Variants in PRKN observed in about 807,000 individuals in gnomAD.
The protein encoded by PRKN is parkin RBR E3 ubiquitin protein ligase, also known as E3 ubiquitin-protein ligase parkin.
Under a neutral mutation model 59.5 loss-of-function variants are expected in PRKN, and 56 were observed. The ratio of observed to expected loss-of-function variants is 0.94; its 90% CI spans 0.76 to 1.18. The LOEUF is 1.18. PRKN is among the 50% of genes most tolerant of loss of function. The pLI is 0.00. For missense variants in PRKN, 657 were observed against 596.4 expected (o/e 1.10, Z -1.06); for synonymous variants, 250 against 222.1 (o/e 1.13, Z -1.12).
chr6:162,647,529 T>G (rs1778232335), intron 1 of PRKN, among the ~76,000 whole-genome samples: 1 of 152,172 alleles, frequency 6.6e-6, no homozygotes, highest in African/African-American at 2.4e-5. Context: ...TCCAGGAATC[T>G]AAGTGAGAGG....
chr6:161,436,259 GCAGAGAGCAGGGGAGTGGAATGGGAGGGA>G (rs1405440638), intron 9 of PRKN, among the ~76,000 whole-genome samples: 6 of 109,000 alleles, frequency 5.5e-5, no homozygotes, highest in African/African-American at 2.2e-4. Context: ...AGATGTGAGG[GCAGAGAGCAGGGGAGTGGAATGGGAGGGA>G]CAGAGAGCAG....
At chr6:162,396,817 ATTC>A (rs1225955354) in intron 2 of PRKN, among the ~76,000 whole-genome samples, 5 of 152,158 alleles carry the variant, frequency 3.3e-5, no homozygotes, top group East Asian at 1.9e-4. Context: ...CCTGCCCAGA[ATTC>A]TTCTCCTTTT....
chr6:162,155,373 A>C (rs1198089507), intron 4 of PRKN, among the ~76,000 whole-genome samples: 1 of 152,186 alleles, frequency 6.6e-6, no homozygotes, highest in East Asian at 1.9e-4. Context: ...CGTCTAATAC[A>C]AGTTTATTAC....
chr6:161,903,867 C>G (rs897861005), intron 6 of PRKN, among the ~76,000 whole-genome samples: 4 of 151,198 alleles, frequency 2.6e-5, no homozygotes, highest in Non-Finnish European at 4.4e-5. Context: ...CTTTGCAATG[C>G]AAGTCCTCAG....
chr6:162,162,828 T>C (rs909112501), intron 4 of PRKN, among the ~76,000 whole-genome samples: 1 of 148,140 alleles, frequency 6.8e-6, no homozygotes, highest in African/African-American at 2.6e-5. Flanking sequence ...GCCAATATGG[T>C]GAAACCCCAT....
intron 5 of PRKN, among the ~76,000 whole-genome samples, chr6:162,010,448 T>C (rs1394209328): frequency 1.4e-5 from 1 of 71,778 alleles, no homozygotes; most frequent in African/African-American, 7.7e-5. Flanking sequence ...ATTTATGATA[T>C]ATAATGTATT....
chr6:162,136,637 G>T (rs993555538), intron 4 of PRKN, among the ~76,000 whole-genome samples: 1 of 152,156 alleles, frequency 6.6e-6, no homozygotes, highest in African/African-American at 2.4e-5. Context: ...AATGACATGG[G>T]ATGATATTTG....
In PRKN at chr6:162,555,689, T is replaced by C. The variant is rs1583792561; in HGVS notation, c.8-112216A>G. The stretch of plus-strand genomic sequence containing the variant: ...ATATTATTCCATTGACATTTCATAA[T>C]TAAAGTTTCTAAAGAATGAATTCAA... On this transcript the variant is annotated intron_variant, in intron 1 of 11. Transcript: ENST00000366898. Among the ~76,000 whole-genome samples, 3 of 152,032 alleles carry C rather than the reference T, an allele frequency of 2.0e-5. No homozygotes were observed. In the South Asian group the frequency reaches 6.2e-4, roughly 31 times the overall value.
At chr6:161,997,953 C>T (rs146461799) in intron 5 of PRKN, among the ~76,000 whole-genome samples, 73 of 152,076 alleles carry the variant, frequency 4.8e-4, no homozygotes, top group Admixed American at 1.1e-3. Flanking sequence ...CAGGTAATGA[C>T]GAGCTTTGAT....
At chr6:162,683,887 A>G (rs1779868056) in intron 1 of PRKN, among the ~76,000 whole-genome samples, 1 of 152,180 alleles carries the variant, frequency 6.6e-6, no homozygotes, top group African/African-American at 2.4e-5. Context: ...GCTCTTCAAA[A>G]GCAGTACCAA....
At chr6:161,364,964 G>A (rs994217111) in intron 10 of PRKN, among the ~76,000 whole-genome samples, 2 of 151,808 alleles carry the variant, frequency 1.3e-5, no homozygotes, top group Non-Finnish European at 2.9e-5. Flanking sequence ...AGAACTAGAT[G>A]CCGGACAAGA....
intron 6 of PRKN, among the ~76,000 whole-genome samples, chr6:161,820,725 T>C (rs1791987624): frequency 6.7e-6 from 1 of 149,058 alleles, no homozygotes; most frequent in Non-Finnish European, 1.5e-5. Context: ...TATATAATTA[T>C]ATATTCATTT....
chr6:161,533,488 T>C lies in PRKN; in HGVS notation c.1083+15366A>G, dbSNP rs1779296926. Among the ~76,000 whole-genome samples the C allele has an allele frequency of 6.6e-6, 1 of 152,182 alleles. No individual in the cohort carries two copies. Among genetic ancestry groups the C allele is most frequent in the Non-Finnish European group, 1.5e-5 (1 of 68,044 alleles). ...CCATGTTCAAAATGGCGGCTCCATC[T>C]TCTCTTTTTGCCAGCCACGTGTCCA... On this transcript the variant is annotated intron_variant, in intron 9 of 11. Coordinates refer to ENST00000366898, the MANE Select transcript of PRKN (RefSeq NM_004562.3). This position sits in a 1 kb window ranked among gnomAD's most constrained non-coding sequence, Gnocchi z 4.1.
At chr6:162,460,835 G>C (rs548036524) in intron 1 of PRKN, among the ~76,000 whole-genome samples, 1 of 152,242 alleles carries the variant, frequency 6.6e-6, no homozygotes, top group South Asian at 2.1e-4. Flanking sequence ...GCTGTACCTA[G>C]AAGTGCTTTA....
intron 9 of PRKN, among the ~76,000 whole-genome samples, chr6:161,536,001 A>G (rs1175093225): frequency 6.6e-6 from 1 of 151,872 alleles, no homozygotes; most frequent in Non-Finnish European, 1.5e-5. Flanking sequence ...GGACACAACC[A>G]TATTATGGAA....
intron 7 of PRKN, among the ~76,000 whole-genome samples, chr6:161,573,320 G>A (rs944868949): frequency 6.6e-6 from 1 of 152,230 alleles, no homozygotes; most frequent in Admixed American, 6.5e-5. Flanking sequence ...TGTACTTTCA[G>A]TTATATTTAA....
Position 161,530,853 on chromosome 6 carries a change from T to C in PRKN, c.1083+18001A>G, listed in dbSNP as rs935706632. ...TTCTTTTAAGAGAAAAAGGCTGTCATGCTGCTCTACTTCAGAGAACAGACC... is the reference window on the plus strand; with the variant it reads ...TTCTTTTAAGAGAAAAAGGCTGTCACGCTGCTCTACTTCAGAGAACAGACC... On this transcript the variant is annotated intron_variant, in intron 9 of 11. Transcript: ENST00000366898. The surrounding 1 kb of genome is among the most constrained non-coding windows in gnomAD (Gnocchi z 5.0). Among the ~76,000 whole-genome samples the C allele has an allele frequency of 1.3e-5, 2 of 152,154 alleles. No individual in the cohort carries two copies.
At chr6:161,830,960 A>G (rs1358971202) in intron 6 of PRKN, among the ~76,000 whole-genome samples, 1 of 152,170 alleles carries the variant, frequency 6.6e-6, no homozygotes, top group African/African-American at 2.4e-5. Context: ...AACCACAGCA[A>G]GGGACCAGGT....
At chr6:162,515,511 A>C (rs1777810532) in intron 1 of PRKN, among the ~76,000 whole-genome samples, 2 of 152,214 alleles carry the variant, frequency 1.3e-5, no homozygotes, top group African/African-American at 2.4e-5. Flanking sequence ...TTGATAATCA[A>C]GAAAGGGTAT....
Sources: gnomAD v4.1 joint callset for allele counts (sites outside exome capture counted in the v4.1 genomes callset) on GRCh38, gnomAD v4.1.1 for gene constraint, Gnocchi (gnomAD v3.1) non-coding constraint, MANE v1.5 for transcripts, NCBI Gene and HGNC (gene_info 2026-07-23, HGNC 2026-07-21) for gene names.